Variants in ANO2 observed in about 807,000 individuals in gnomAD.
ANO2 encodes the protein anoctamin 2.
A neutral mutation model predicts 124.2 loss-of-function variants in ANO2; 101 were observed. The ratio of observed to expected loss-of-function variants is 0.81; its 90% confidence interval spans 0.69 to 0.96. The LOEUF is 0.96. Among genes scored for constraint, ANO2 ranks in the 40% least tolerant of loss-of-function variants. The pLI, the probability that ANO2 is intolerant of heterozygous loss-of-function variation, is 0.00. For missense variants in ANO2, 1,293 were observed against 1,274.5 expected, an observed-to-expected ratio of 1.01 and a Z score of -0.22; for synonymous variants, 486 against 482.5, an observed-to-expected ratio of 1.01 and a Z score of -0.09.
chr12:5,733,922 T>G (rs1750413756), intron 13 of ANO2, among the ~76,000 whole-genome samples: 1 of 152,188 alleles, frequency 6.6e-6, no homozygotes, highest in African/African-American at 2.4e-5. Context: ...CATGTGAGAG[T>G]CTTCTTATCC....
At chr12:5,709,859 G>A (rs915566721) in intron 14 of ANO2, among the ~76,000 whole-genome samples, 1 of 152,214 alleles carries the variant, frequency 6.6e-6, no homozygotes, top group Non-Finnish European at 1.5e-5. Flanking sequence ...GAAACTGCAA[G>A]AGGAAACGGA....
At chr12:5,940,758 T>C (rs143387668) in intron 1 of ANO2, among the ~76,000 whole-genome samples, 1 of 152,310 alleles carries the variant, frequency 6.6e-6, no homozygotes, top group African/African-American at 2.4e-5. Flanking sequence ...CCTAGGTATA[T>C]GACCAAGAGA....
chr12:5,866,364 T>C (rs1266146486), intron 3 of ANO2, among the ~76,000 whole-genome samples: 2 of 152,210 alleles, frequency 1.3e-5, no homozygotes, highest in African/African-American at 2.4e-5. Context: ...AGGGACATCA[T>C]GGGAGCTGAG....
rs1352236372 is a variant in ANO2, at chr12:5,904,133, G to A, written c.534+16907C>T. Reference sequence around the variant, plus strand: ...CAATGCAGGCCTCTGTGCTTGAAGAGTGTTCCAGCCCAAATGTTGCCTGGC... The same window carrying A: ...CAATGCAGGCCTCTGTGCTTGAAGAATGTTCCAGCCCAAATGTTGCCTGGC... On this transcript the variant is annotated intron_variant, in intron 3 of 24. Coordinates refer to ENST00000682330, the MANE Select transcript of ANO2 (RefSeq NM_001364791.2). The surrounding 1 kb of genome is among the most constrained non-coding windows in gnomAD (Gnocchi z 4.1). Among the ~76,000 whole-genome samples the A allele has an allele frequency of 1.3e-5, 2 of 152,166 alleles. No homozygotes were observed. The highest frequency in any genetic ancestry group is 4.8e-5 in the African/African-American group (2 of 41,436).
chr12:5,921,322 C>T lies in ANO2; in HGVS notation c.252G>A (p.Glu84=). Residue 84 remains glutamate (E), a synonymous_variant, in exon 3 of 25, where the codon GAG becomes GAA. Coordinates refer to ENST00000682330, the MANE Select transcript of ANO2 (RefSeq NM_001364791.2). ...GGAAGTGCATGCGGCTAAGACGGGC[C>T]TCCAAGGACACAGGCTCATTGGCAT... ...YLDANEPVSL[E]ARLSRMHFHD... The T allele has an allele frequency of 1.9e-6, 3 of 1,613,958 alleles. No individual in the cohort carries two copies. Among genetic ancestry groups the T allele is most frequent in the Non-Finnish European group, 2.5e-6 (3 of 1,179,894 alleles).
chr12:5,693,722 C>T (rs1438082992), intron 14 of ANO2, among the ~76,000 whole-genome samples: 1 of 152,198 alleles, frequency 6.6e-6, no homozygotes, highest in African/African-American at 2.4e-5. Flanking sequence ...GCTGGTCCGG[C>T]CACACTGACC....
At chr12:5,847,598 A>G (rs972515716) in intron 4 of ANO2, among the ~76,000 whole-genome samples, 2 of 152,136 alleles carry the variant, frequency 1.3e-5, no homozygotes, top group Admixed American at 1.3e-4. Flanking sequence ...AGCACCATGA[A>G]CCAGGAAGAA....
At chr12:5,945,349 C>G, upstream of ANO2, 1 of 917,476 alleles carries the variant, frequency 1.1e-6, no homozygotes, top group Non-Finnish European at 1.3e-6. Context: ...GCCTCCTCCT[C>G]CCCCATCCCT....
chr12:5,680,020 G>A (rs1302682561), intron 14 of ANO2, among the ~76,000 whole-genome samples: 2 of 152,074 alleles, frequency 1.3e-5, no homozygotes, highest in Admixed American at 6.6e-5. Context: ...CATTATTCTC[G>A]GCAAACTAAC....
intron 20 of ANO2, among the ~76,000 whole-genome samples, chr12:5,595,371 T>C (rs181718381): frequency 1.1e-4 from 16 of 151,884 alleles, no homozygotes; most frequent in Admixed American, 5.3e-4. Flanking sequence ...CTACTGTTTT[T>C]TTTTCTTTTC....
chr12:5,817,192 C>CA (rs1457464005), intron 7 of ANO2, among the ~76,000 whole-genome samples: 2 of 152,238 alleles, frequency 1.3e-5, no homozygotes, highest in African/African-American at 2.4e-5. Flanking sequence ...TTCCAGTTTA[C>CA]AAAACAAGCT....
At position 5,923,029 on chromosome 12, in the gene ANO2, C is replaced by T. The variant is rs555501740; in HGVS notation, c.23-225G>A. Among the ~76,000 whole-genome samples, 95 of 139,938 alleles carry T rather than the reference C, an allele frequency of 6.8e-4. 2 individuals are homozygous for T. Among genetic ancestry groups the T allele is most frequent in the African/African-American group, 2.3e-3 (78 of 34,172 alleles). The allele number at this position is 139,938 out of a possible 152,430, so 91.8% of individuals were successfully genotyped here. A position where few individuals can be genotyped will look rare whatever the true frequency, so the allele number is the denominator to read the frequency against. On this transcript the variant is annotated intron_variant, in intron 1 of 24. Coordinates refer to ENST00000682330, the MANE Select transcript of ANO2 (RefSeq NM_001364791.2). ...GACTGCATACACACACGCACACACA[C>T]ATACACACACATGCACGCACACACA...
intron 3 of ANO2, among the ~76,000 whole-genome samples, chr12:5,857,563 T>C (rs1255042757): frequency 1.3e-5 from 2 of 152,174 alleles, no homozygotes; most frequent in Non-Finnish European, 2.9e-5. Flanking sequence ...ATAATAGCCA[T>C]TCTAACTGGG....
intron 10 of ANO2, among the ~76,000 whole-genome samples, chr12:5,751,979 T>C (rs998781758): frequency 6.6e-6 from 1 of 152,220 alleles, no homozygotes; most frequent in African/African-American, 2.4e-5. Flanking sequence ...CATGCAGTAT[T>C]TGTGCTTCTG....
chr12:5,829,101 T>G (rs777996686), intron 6 of ANO2, among the ~76,000 whole-genome samples: 1 of 151,800 alleles, frequency 6.6e-6, no homozygotes, highest in African/African-American at 2.4e-5. Flanking sequence ...CTAAAGGGAG[T>G]GGTAAATAAA....
chr12:5,578,832 T>C lies in ANO2; in HGVS notation c.2234-314A>G, dbSNP rs556103231. Among the ~76,000 whole-genome samples, 4 of 152,328 alleles carry C rather than the reference T, an allele frequency of 2.6e-5. No individual in the cohort carries two copies. The East Asian group carries it at 5.8e-4, about 22-fold the overall frequency. ...CTAATCCTACTGATCTAACTCAGGG[T>C]TTGGTAAACTTTTTTAGTAAAAGGC... On this transcript the variant is annotated intron_variant, in intron 20 of 24. Transcript: ENST00000682330.
chr12:5,881,128 T>C (rs1365552910), intron 3 of ANO2, among the ~76,000 whole-genome samples: 1 of 152,172 alleles, frequency 6.6e-6, no homozygotes, highest in Non-Finnish European at 1.5e-5. Context: ...AAAAGAAATG[T>C]GCAGTCTACA....
intron 9 of ANO2, 143 bp downstream of exon 9, chr12:5,805,909 G>A: frequency 1.3e-6 from 1 of 745,282 alleles, no homozygotes; most frequent in Non-Finnish European, 2.1e-6. Flanking sequence ...AAATACCTGG[G>A]TGGGGGAAAG....
chr12:5,864,534 G>A (rs562884168), intron 3 of ANO2, among the ~76,000 whole-genome samples: 1 of 152,352 alleles, frequency 6.6e-6, no homozygotes, highest in African/African-American at 2.4e-5. Context: ...ATCAGATGCT[G>A]TGGATGCTAA....
Sources: allele counts gnomAD v4.1 joint callset (sites outside exome capture counted in the v4.1 genomes callset), GRCh38; gene constraint gnomAD v4.1.1; non-coding constraint Gnocchi (gnomAD v3.1); transcripts MANE v1.5; gene names NCBI Gene and HGNC (gene_info 2026-07-23, HGNC 2026-07-21).